Variants in H6PD observed in about 807,000 individuals in gnomAD.
H6PD encodes the protein GDH/6PGL endoplasmic bifunctional protein.
A neutral mutation model predicts 61.2 loss-of-function variants in H6PD; 48 were observed. The ratio of observed to expected loss-of-function variants is 0.78; its 90% CI spans 0.62 to 1.00. The LOEUF (loss-of-function observed/expected upper bound fraction) is 1.00, where lower values mean the gene tolerates loss of function less well. H6PD is among the 50% of genes least tolerant of loss of function. The pLI is 0.00. For missense variants in H6PD, 1,093 were observed against 1,065.0 expected (o/e 1.03, Z -0.37); for synonymous variants, 480 against 457.9 (o/e 1.05, Z -0.62).
At chr1:9,241,415 C>T (rs190451725) in intron 1 of H6PD, among the ~76,000 whole-genome samples, 1 of 151,888 alleles carries the variant, frequency 6.6e-6, no homozygotes, top group African/African-American at 2.4e-5. Flanking sequence ...TATTTATTTA[C>T]TTTTTTTGAG....
intron 1 of H6PD, among the ~76,000 whole-genome samples, chr1:9,235,528 A>G (rs1006746053): frequency 6.6e-6 from 1 of 152,208 alleles, no homozygotes; most frequent in African/African-American, 2.4e-5. Flanking sequence ...CCCATGGCTC[A>G]TGAAAGGCAG....
chr1:9,258,663 T>G (rs771326931), intron 3 of H6PD, among the ~76,000 whole-genome samples: 24 of 152,082 alleles, frequency 1.6e-4, no homozygotes, highest in Non-Finnish European at 2.9e-4. Flanking sequence ...GGTGTTGTTT[T>G]GTTGTTGTTA....
At chr1:9,257,251 C>A (rs1287628259) in intron 3 of H6PD, among the ~76,000 whole-genome samples, 1 of 151,760 alleles carries the variant, frequency 6.6e-6, no homozygotes, top group African/African-American at 2.4e-5. Flanking sequence ...GCAATCCTCC[C>A]ACCCCAGCCT....
intron 3 of H6PD, among the ~76,000 whole-genome samples, chr1:9,258,425 TTGCTGTTGTTA>T (rs1450543119): frequency 6.6e-6 from 1 of 152,232 alleles, no homozygotes; most frequent in African/African-American, 2.4e-5. Flanking sequence ...AGTGTTAATG[TTGCTGTTGTTA>T]TGCTGTTGTT....
chr1:9,263,185 G>A (rs1638393449), intron 4 of H6PD, among the ~76,000 whole-genome samples: 1 of 152,098 alleles, frequency 6.6e-6, no homozygotes, highest in Non-Finnish European at 1.5e-5. Flanking sequence ...CACCCCACTT[G>A]CCCCCACTGT....
In H6PD at chr1:9,245,174, C is replaced by T; in HGVS notation, c.240C>T (p.Ala80=). The T allele has an allele frequency of 3.1e-6, 5 of 1,614,242 alleles. No individual in the cohort carries two copies. The highest frequency in any genetic ancestry group is 4.2e-6 in the Non-Finnish European group (5 of 1,180,050). Residue 80 remains alanine (A), a synonymous_variant, in exon 2 of 5, where the codon GCC becomes GCT. Transcript: ENST00000377403. The surrounding 1 kb of genome is among the most constrained non-coding windows in gnomAD (Gnocchi z 4.8). ...AGGGTCAAGAGCTCATGGCCAAGGCCCTGGAATCCCTCTCCTGCCCCAAGG... is the reference window on the plus strand; with the variant it reads ...AGGGTCAAGAGCTCATGGCCAAGGCTCTGGAATCCCTCTCCTGCCCCAAGG... The part of the protein sequence containing the change: ...PKQGQELMAK[A]LESLSCPKDM...
At position 9,264,986 on chromosome 1, in the gene H6PD, CA is replaced by C; in HGVS notation, c.*118del. 9.1e-7 allele frequency: 1 copy of C among 1,098,084 alleles called. No homozygotes were observed. The highest frequency in any genetic ancestry group is 1.3e-6 in the Non-Finnish European group (1 of 743,170). 68.0% of individuals were successfully genotyped at this position (1,098,084 alleles called of 1,614,324 possible). On this transcript the variant is annotated 3_prime_UTR_variant, in exon 5 of 5. Coordinates refer to ENST00000377403, the MANE Select transcript of H6PD (RefSeq NM_004285.4). ...CCTGGCTCTCCAGAACCTTCTATCC[CA>C]CAGTCAGGCCCCAGAGAGGGCAGGA...
In H6PD at chr1:9,264,053, GTTC is replaced by G. The variant is rs1455922323; in HGVS notation, c.1563_1565del (p.Phe522del). ...ACTTTGAGTTCAGTAGCGGCCGGTT[GTTC>G]TTTTCCCAGCAGCAGCCGGAGCAGC... On this transcript the variant is annotated inframe_deletion, in exon 5 of 5. Coordinates refer to ENST00000377403, the MANE Select transcript of H6PD (RefSeq NM_004285.4). 1 of 1,614,180 alleles carries G rather than the reference GTTC, an allele frequency of 6.2e-7. No individual in the cohort carries two copies. The highest frequency in any genetic ancestry group is 2.2e-5 in the East Asian group (1 of 44,880).
At chr1:9,255,660 C>A (rs1186030875) in intron 3 of H6PD, among the ~76,000 whole-genome samples, 1 of 152,158 alleles carries the variant, frequency 6.6e-6, no homozygotes, top group Admixed American at 6.5e-5. Flanking sequence ...TGTCTTTTTA[C>A]ATTCTCCCGA....
Position 9,245,371 on chromosome 1 carries a change from C to T in H6PD, c.437C>T (p.Pro146Leu), listed in dbSNP as rs1641137593. 3 of 1,614,026 alleles carry T rather than the reference C, an allele frequency of 1.9e-6. No individual in the cohort carries two copies. Among genetic ancestry groups the T allele is most frequent in the South Asian group, 1.1e-5 (1 of 91,082 alleles). Residue 146 changes from proline to leucine, a missense_variant, in exon 2 of 5, where the codon CCC becomes CTC. Transcript: ENST00000377403. This position sits in a 1 kb window ranked among gnomAD's most constrained non-coding sequence, Gnocchi z 4.8. ...AGRIFYFSVP[P>L]FAYEDIARNI... Reference sequence around the variant, plus strand: ...AGGATCTTCTACTTCTCAGTGCCACCCTTCGCCTATGAAGACATTGCCCGC... The same window carrying T: ...AGGATCTTCTACTTCTCAGTGCCACTCTTCGCCTATGAAGACATTGCCCGC...
chr1:9,270,676 C>G lies in H6PD; in HGVS notation c.*5807C>G, dbSNP rs1296392941. 6.6e-6 allele frequency: 1 copy of G among 152,334 alleles called. No homozygotes were observed. Among genetic ancestry groups the G allele is most frequent in the Non-Finnish European group, 1.5e-5 (1 of 68,138 alleles). The allele number at this position is 152,334 out of a possible 1,614,324, so 9.4% of individuals were successfully genotyped here. A position where few individuals can be genotyped will look rare whatever the true frequency, so the allele number is the denominator to read the frequency against. On this transcript the variant is annotated 3_prime_UTR_variant, in exon 5 of 5. Coordinates refer to ENST00000377403, the MANE Select transcript of H6PD (RefSeq NM_004285.4). Reference sequence around the variant, plus strand: ...GTGGAGCAGTGCTAAGAGGCTGTTGCAGGAGAACTAGACGGGCGGGGCCTG... The same window carrying G: ...GTGGAGCAGTGCTAAGAGGCTGTTGGAGGAGAACTAGACGGGCGGGGCCTG...
rs1641461402 is a variant in H6PD, at chr1:9,254,638, C to T, written c.746-7421C>T. On this transcript the variant is annotated intron_variant, in intron 3 of 4. Coordinates refer to ENST00000377403, the MANE Select transcript of H6PD (RefSeq NM_004285.4). The surrounding 1 kb of genome is among the most constrained non-coding windows in gnomAD (Gnocchi z 4.6). The stretch of plus-strand genomic sequence containing the variant: ...TCTTGGAGGTCGCAGACAGCTTCAT[C>T]TTCCTGAAGTACCTCTTTCGTGCTT... 6.6e-6 allele frequency among the ~76,000 whole-genome samples: 1 copy of T among 152,216 alleles called. No homozygotes were observed. Among genetic ancestry groups the T allele is most frequent in the Admixed American group, 6.5e-5 (1 of 15,278 alleles).
At position 9,237,236 on chromosome 1, in the gene H6PD, CTTTT is replaced by C. The variant is rs370751354; in HGVS notation, c.-11+2193_-11+2196del. 4.9e-3 allele frequency among the ~76,000 whole-genome samples: 345 copies of C among 70,992 alleles called. 2 individuals are homozygous for C. Among genetic ancestry groups the C allele is most frequent in the African/African-American group, 8.0e-3 (160 of 20,082 alleles). The allele number at this position is 70,992 out of a possible 152,430, so 46.6% of individuals were successfully genotyped here. A position where few individuals can be genotyped will look rare whatever the true frequency, so the allele number is the denominator to read the frequency against. ...ACCTTTGGTAAGTTATTTGACTTCT[CTTTT>C]TTTTTTTTTTTTTTTTTTTTTTGAG... On this transcript the variant is annotated intron_variant, in intron 1 of 4. Transcript: ENST00000377403.
rs768497239 is a variant in H6PD, at chr1:9,259,230, C to T, written c.746-2829C>T. ...GTCTCGATCTCCTGACCTCGTGATC[C>T]GCCTGCCTTGGCCTCCCAAAGTGCT... On this transcript the variant is annotated intron_variant, in intron 3 of 4. Coordinates refer to ENST00000377403, the MANE Select transcript of H6PD (RefSeq NM_004285.4). Among the ~76,000 whole-genome samples the T allele has an allele frequency of 2.0e-4, 31 of 152,180 alleles. 1 individual carries two copies. The highest frequency in any genetic ancestry group is 7.7e-4 in the East Asian group (4 of 5,188).
intron 1 of H6PD, among the ~76,000 whole-genome samples, chr1:9,244,623 C>T (rs552088223): frequency 5.1e-4 from 78 of 152,344 alleles, no homozygotes; most frequent in Admixed American, 1.0e-3. Context: ...AGGCCTGCGG[C>T]CCTCCCTGGT....
chr1:9,245,490 C>T lies in H6PD; in HGVS notation c.556C>T (p.Leu186=), dbSNP rs200086283. 1 of 1,614,198 alleles carries T rather than the reference C, an allele frequency of 6.2e-7. No homozygotes were observed. Among genetic ancestry groups the T allele is most frequent in the Non-Finnish European group, 8.5e-7 (1 of 1,180,008 alleles). Residue 186 remains leucine, a synonymous_variant, in exon 2 of 5, where the codon CTG becomes TTG. Transcript: ENST00000377403. This position sits in a 1 kb window ranked among gnomAD's most constrained non-coding sequence, Gnocchi z 4.8. ...CCATGACCACTTCTCAGCCCAGCAG[C>T]TGGCCACAGAACTCGGGACCTTTTT... ...FGHDHFSAQQ[L]ATELGTFFQE...
Position 9,268,058 on chromosome 1 carries a change from C to T in H6PD, c.*3189C>T, listed in dbSNP as rs1380392017. ...AGAAGGTTGAAACCAGCCTGGGCAA[C>T]ATAGTGAGACCCCATCTCTACAAAA... On this transcript the variant is annotated 3_prime_UTR_variant, in exon 5 of 5. Transcript: ENST00000377403. The T allele has an allele frequency of 6.6e-6, 1 of 152,018 alleles. No individual in the cohort carries two copies. Among genetic ancestry groups the T allele is most frequent in the Non-Finnish European group, 1.5e-5 (1 of 68,028 alleles). The allele number at this position is 152,018 out of a possible 1,614,324, so 9.4% of individuals were successfully genotyped here.
chr1:9,253,084 C>G (rs1221536598), intron 3 of H6PD, among the ~76,000 whole-genome samples: 1 of 152,198 alleles, frequency 6.6e-6, no homozygotes, highest in African/African-American at 2.4e-5. Context: ...AGCCCCTCGC[C>G]TCCTGTCCTT....
chr1:9,249,112 C>T (rs935084924), intron 3 of H6PD, among the ~76,000 whole-genome samples: 2 of 152,214 alleles, frequency 1.3e-5, no homozygotes, highest in Non-Finnish European at 2.9e-5. Context: ...TGGGAGACTC[C>T]TCTCCCCTTT....
Sources: gnomAD v4.1 joint callset for allele counts (sites outside exome capture counted in the v4.1 genomes callset) on GRCh38, gnomAD v4.1.1 for gene constraint, Gnocchi (gnomAD v3.1) non-coding constraint, MANE v1.5 for transcripts, NCBI Gene and HGNC (gene_info 2026-07-23, HGNC 2026-07-21) for gene names.